The following GALNT10 variants were observed in gnomAD, a reference collection of about 807,000 sequenced individuals.
The protein encoded by GALNT10 is GalNAc transferase 10.
In GALNT10, 41 loss-of-function variants were observed where a neutral mutation model predicts 75.0. The observed-to-expected ratio is 0.55, with a 90% CI of 0.43 to 0.71. GALNT10 has a LOEUF of 0.71. Among genes scored for constraint, GALNT10 ranks in the 30% least tolerant of loss-of-function variants. The pLI is 0.00. For synonymous variants in GALNT10, 302 were observed against 313.0 expected (o/e 0.96, Z 0.37); for missense variants, 727 against 818.5 (o/e 0.89, Z 1.36).
intron 1 of GALNT10, among the ~76,000 whole-genome samples, chr5:154,204,522 G>A (rs750589231): frequency 3.9e-5 from 6 of 152,184 alleles, no homozygotes; most frequent in African/African-American, 4.8e-5. Flanking sequence ...CCCCTGTCTC[G>A]TCTGGCCCTG....
At chr5:154,406,775 C>T (rs535727240) in intron 8 of GALNT10, among the ~76,000 whole-genome samples, 15 of 152,206 alleles carry the variant, frequency 9.9e-5, no homozygotes, top group African/African-American at 2.9e-4. Flanking sequence ...CCAGCCTGAG[C>T]GACAGAGCAA....
chr5:154,345,290 T>G (rs1241525232), intron 4 of GALNT10, among the ~76,000 whole-genome samples: 2 of 152,022 alleles, frequency 1.3e-5, no homozygotes, highest in Non-Finnish European at 2.9e-5. Context: ...CTCCCATAGC[T>G]ACCTTTTTTG....
chr5:154,348,364 A>T (rs185374857), intron 4 of GALNT10, among the ~76,000 whole-genome samples: 122 of 152,230 alleles, frequency 8.0e-4, no homozygotes, highest in Non-Finnish European at 1.9e-4. Flanking sequence ...ATATTACATC[A>T]CCTCCAAGTC....
chr5:154,300,157 A>G (rs1754339825), intron 3 of GALNT10, among the ~76,000 whole-genome samples: 1 of 152,060 alleles, frequency 6.6e-6, no homozygotes, highest in Non-Finnish European at 1.5e-5. Context: ...TTTTTCATGT[A>G]AGTCTAGACT....
chr5:154,193,308 G>A (rs1366632505), intron 1 of GALNT10, among the ~76,000 whole-genome samples: 1 of 152,194 alleles, frequency 6.6e-6, no homozygotes, highest in Non-Finnish European at 1.5e-5. Flanking sequence ...AGAACGCCCT[G>A]CCAAATTTCC....
rs541932123 is a variant in GALNT10 at position 154,384,904 on chromosome 5, G to A, written c.939-1409G>A. Among the ~76,000 whole-genome samples the A allele has an allele frequency of 2.6e-4, 39 of 152,342 alleles. No individual in the cohort carries two copies. In the South Asian group the frequency reaches 7.2e-3, roughly 28 times the overall value. ...ATAATGAGGCCTGCCACATGAGGTCGAGGTGAAGAGTAAATTCATTTTATT... is the reference window on the plus strand; with the variant it reads ...ATAATGAGGCCTGCCACATGAGGTCAAGGTGAAGAGTAAATTCATTTTATT... On this transcript the variant is annotated intron_variant, in intron 6 of 11. Coordinates refer to ENST00000297107, the MANE Select transcript of GALNT10 (RefSeq NM_198321.4).
At chr5:154,338,441 T>A in intron 4 of GALNT10, 2 of 353,326 alleles carry the variant, frequency 5.7e-6, no homozygotes, top group South Asian at 5.5e-5. Context: ...TAGCAGACTC[T>A]GACTTAGACA....
At chr5:154,403,985 A>G in intron 7 of GALNT10, 119 bp from the exon 8 acceptor site, 1 of 800,134 alleles carries the variant, frequency 1.2e-6, no homozygotes, top group Non-Finnish European at 2.2e-6. Context: ...TCTGTGATCC[A>G]GGCTTCAGCA....
intron 1 of GALNT10, among the ~76,000 whole-genome samples, chr5:154,245,233 G>A (rs1277318349): frequency 6.6e-6 from 1 of 152,196 alleles, no homozygotes; most frequent in East Asian, 1.9e-4. Flanking sequence ...AGACAAGGAT[G>A]AGAGGACAGA....
intron 1 of GALNT10, among the ~76,000 whole-genome samples, chr5:154,255,014 G>A (rs78693538): frequency 0.048 from 7,248 of 152,108 alleles, 440 homozygotes; most frequent in African/African-American, 0.14. Context: ...TAGAGACAAG[G>A]TCTCACTATG....
At chr5:154,334,839 G>A (rs1032795194) in intron 4 of GALNT10, among the ~76,000 whole-genome samples, 31 of 152,206 alleles carry the variant, frequency 2.0e-4, no homozygotes, top group Admixed American at 1.4e-3. Flanking sequence ...TGCTGGGCCC[G>A]TTAGTTCACA....
chr5:154,386,556 C>A, intron 7 of GALNT10, 126 bp downstream of exon 7: 1 of 615,304 alleles, frequency 1.6e-6, no homozygotes. Context: ...CCCTTCTGCC[C>A]ATCAGGTGAA....
rs1024233599 is a variant in GALNT10, at chr5:154,376,733, A to G, written c.754+271A>G. Among the ~76,000 whole-genome samples, 1 of 152,196 alleles carries G rather than the reference A, an allele frequency of 6.6e-6. No homozygotes were observed. Among genetic ancestry groups the G allele is most frequent in the African/African-American group, 2.4e-5 (1 of 41,444 alleles). ...ACACAGCACATGAGCATCTAGTGACATGACGGCTTTCCTCAGATGACTTCA... is the reference window on the plus strand; with the variant it reads ...ACACAGCACATGAGCATCTAGTGACGTGACGGCTTTCCTCAGATGACTTCA... On this transcript the variant is annotated intron_variant, in intron 5 of 11. Transcript: ENST00000297107. This position sits in a 1 kb window ranked among gnomAD's most constrained non-coding sequence, Gnocchi z 4.1.
chr5:154,387,267 C>T (rs985469413), intron 7 of GALNT10: 1 of 152,224 alleles, frequency 6.6e-6, no homozygotes, highest in Non-Finnish European at 1.5e-5. Context: ...GCTACATTCT[C>T]CACTTTATTT....
At position 154,296,651 on chromosome 5, in the gene GALNT10, A is replaced by C. The variant is rs544528998; in HGVS notation, c.263-1290A>C. Among the ~76,000 whole-genome samples the C allele has an allele frequency of 1.1e-4, 16 of 152,288 alleles. No homozygotes were observed. In the South Asian group the frequency reaches 2.7e-3, roughly 26 times the overall value. The stretch of plus-strand genomic sequence containing the variant: ...AAAGGGCAAAATCTTCAGACTCGGA[A>C]AGGCTGAAGGCATGTCCAAGATGAC... On this transcript the variant is annotated intron_variant, in intron 2 of 11. Transcript: ENST00000297107.
chr5:154,386,617 G>GGGGGGGGGGGGCC, intron 7 of GALNT10, 187 bp downstream of exon 7: 1 of 365,832 alleles, frequency 2.7e-6, no homozygotes, highest in Non-Finnish European at 5.3e-6. Context: ...GGGGGTGTGG[G>GGGGGGGGGGGGCC]AGGGAAGGGG....
chr5:154,238,182 C>G (rs1226713344), intron 1 of GALNT10, among the ~76,000 whole-genome samples: 1 of 152,130 alleles, frequency 6.6e-6, no homozygotes, highest in Admixed American at 6.5e-5. Context: ...GAGAAGTTCC[C>G]ACAGGCGTGG....
chr5:154,343,487 C>A (rs1272236775), intron 4 of GALNT10, among the ~76,000 whole-genome samples: 2 of 152,164 alleles, frequency 1.3e-5, no homozygotes, highest in African/African-American at 4.8e-5. Context: ...TCAAGTTGGG[C>A]CGGCCTTGTG....
chr5:154,213,726 C>G (rs1398131160), intron 1 of GALNT10, among the ~76,000 whole-genome samples: 1 of 152,104 alleles, frequency 6.6e-6, no homozygotes, highest in Admixed American at 6.5e-5. Context: ...GGACTATAGG[C>G]AGGTGCCACC....
Sources: allele counts gnomAD v4.1 joint callset (sites outside exome capture counted in the v4.1 genomes callset), GRCh38; gene constraint gnomAD v4.1.1; non-coding constraint Gnocchi (gnomAD v3.1); transcripts MANE v1.5; gene names NCBI Gene and HGNC (gene_info 2026-07-23, HGNC 2026-07-21).